TAL1: variants seen among roughly 807,000 people sequenced by gnomAD.
The protein encoded by TAL1 is T-cell acute lymphocytic leukemia protein 1.
Under a neutral mutation model 17.9 loss-of-function variants are expected in TAL1, and 8 were observed. That is an observed-to-expected ratio of 0.45 (90% CI 0.26 to 0.81). The LOEUF (loss-of-function observed/expected upper bound fraction) is 0.81. Among genes scored for constraint, TAL1 ranks in the 30% least tolerant of loss-of-function variants. The pLI is 0.17. For synonymous variants in TAL1, 223 were observed against 218.6 expected (o/e 1.02, Z -0.18); for missense variants, 466 against 486.9 (o/e 0.96, Z 0.40).
intron 2 of TAL1, among the ~76,000 whole-genome samples, chr1:47,224,754 C>T (rs1339519192): frequency 2.6e-5 from 4 of 152,228 alleles, no homozygotes; most frequent in Non-Finnish European, 5.9e-5. Flanking sequence ...ACACTCTATC[C>T]CTGCCCCATC....
At chr1:47,220,971 G>A (rs1346673924) in intron 3 of TAL1, among the ~76,000 whole-genome samples, 1 of 152,228 alleles carries the variant, frequency 6.6e-6, no homozygotes, top group African/African-American at 2.4e-5. Context: ...AAACAGCCAG[G>A]CACAAGAAGG....
intron 3 of TAL1, among the ~76,000 whole-genome samples, chr1:47,221,570 G>A (rs1484874999): frequency 1.3e-5 from 2 of 152,114 alleles, no homozygotes; most frequent in Non-Finnish European, 2.9e-5. Flanking sequence ...CCCTAACATC[G>A]AGGCACAAGC....
upstream of TAL1, chr1:47,231,687 G>A: frequency 8.6e-6 from 2 of 233,754 alleles, no homozygotes; most frequent in Non-Finnish European, 1.7e-5. Context: ...AACACCAACG[G>A]AGCACAATCG....
At chr1:47,220,667 T>C (rs992170470) in intron 3 of TAL1, among the ~76,000 whole-genome samples, 7 of 152,238 alleles carry the variant, frequency 4.6e-5, no homozygotes, top group Non-Finnish European at 1.0e-4. Context: ...CATGAGTTGT[T>C]ACATGGGTCT....
chr1:47,221,969 A>T (rs1643819939), intron 3 of TAL1, among the ~76,000 whole-genome samples: 1 of 152,222 alleles, frequency 6.6e-6, no homozygotes, highest in South Asian at 2.1e-4. Flanking sequence ...AAACCATAGC[A>T]GGCCCTAGCC....
intron 1 of TAL1, 85 bp from the exon 3 acceptor site, chr1:47,225,974 G>C: frequency 7.1e-7 from 1 of 1,401,202 alleles, no homozygotes; most frequent in Non-Finnish European, 9.4e-7. Context: ...AAGGGGAGAA[G>C]GGCAGAGAGA....
exon 4 of TAL1, chr1:47,219,600 G>A (rs1345768359): frequency 1.4e-6 from 2 of 1,470,564 alleles, no homozygotes; most frequent in Admixed American, 1.9e-5. Context: ...AGACATCCAG[G>A]AAAGTTCAAG....
At chr1:47,227,876 T>C (rs1643936058) in intron 1 of TAL1, 1 of 152,124 alleles carries the variant, frequency 6.6e-6, no homozygotes, top group Admixed American at 6.6e-5. Flanking sequence ...CTTCAAGGTA[T>C]TGGTTCCCTA....
chr1:47,222,189 A>AG (rs1223088048), intron 3 of TAL1, among the ~76,000 whole-genome samples: 1 of 152,158 alleles, frequency 6.6e-6, no homozygotes, highest in Non-Finnish European at 1.5e-5. Context: ...CTAGTTGGGG[A>AG]GGGGGTACTT....
chr1:47,231,227 T>A (rs2148598127), upstream of TAL1: 1 of 183,048 alleles, frequency 5.5e-6, no homozygotes, highest in African/African-American at 2.3e-5. Context: ...GACCGGGCGC[T>A]GTCCGCCCAC....
At chr1:47,219,131 C>T in exon 4 of TAL1, 1 of 410,112 alleles carries the variant, frequency 2.4e-6, no homozygotes, top group Middle Eastern at 7.2e-4. Flanking sequence ...CTAGAGCAGA[C>T]TGTCCACTGA....
chr1:47,226,019 C>A, intron 1 of TAL1, 130 bp from the exon 3 acceptor site: 5 of 674,370 alleles, frequency 7.4e-6, no homozygotes, highest in South Asian at 4.7e-5. Flanking sequence ...AAGAGGCAGA[C>A]AAAGTTAGCG....
chr1:47,231,757 C>T (rs1417751078), upstream of TAL1: 1 of 233,668 alleles, frequency 4.3e-6, no homozygotes, highest in Non-Finnish European at 8.5e-6. Context: ...ACCCCAACCG[C>T]GCAGGCACAC....
At chr1:47,217,888 C>T (rs1645530464) in exon 4 of TAL1, 1 of 397,566 alleles carries the variant, frequency 2.5e-6, no homozygotes, top group South Asian at 1.4e-4. Context: ...AGGAACCAAC[C>T]CTAATTTTCA....
Position 47,225,436 on chromosome 1 carries a change from C to T in TAL1, c.446+7G>A. On this transcript the variant is annotated splice_region_variant and intron_variant, in intron 2 of 3. Transcript: ENST00000294339. ...CAGCCCCTGGCCCCTGGCCCCTGGC[C>T]CCTGACCTGCCGAGAGAGGCCAGCG... 1 of 1,231,300 alleles carries T rather than the reference C, an allele frequency of 8.1e-7. No individual in the cohort carries two copies. The highest frequency in any genetic ancestry group is 1.0e-6 in the Non-Finnish European group (1 of 988,070). The allele number at this position is 1,231,300 out of a possible 1,614,324, so 76.3% of individuals were successfully genotyped here.
At chr1:47,225,919 C>T (rs1328386720) in intron 1 of TAL1, 30 bp from the exon 3 acceptor site, 1 of 1,565,996 alleles carries the variant, frequency 6.4e-7, no homozygotes, top group Non-Finnish European at 8.6e-7. Context: ...CAAGCGGATG[C>T]CCGCTCTGAC....
intron 2 of TAL1, among the ~76,000 whole-genome samples, chr1:47,224,378 A>G (rs1290034758): frequency 6.7e-6 from 1 of 149,348 alleles, no homozygotes; most frequent in Non-Finnish European, 1.5e-5. Flanking sequence ...AGAGGTGAAT[A>G]ACACATGGAA....
At chr1:47,226,094 T>G in intron 1 of TAL1, 1 of 509,344 alleles carries the variant, frequency 2.0e-6, no homozygotes, top group Non-Finnish European at 3.4e-6. Flanking sequence ...GTCTCTGGAT[T>G]GGGAGAAGGG....
chr1:47,220,089 C>T (rs756835573), exon 4 of TAL1: 1 of 1,613,324 alleles, frequency 6.2e-7, no homozygotes, highest in South Asian at 1.1e-5. Context: ...GCTTGCGGAG[C>T]TCGGCAAAGG....
Sources: gnomAD v4.1 joint callset for allele counts (sites outside exome capture counted in the v4.1 genomes callset) on GRCh38, gnomAD v4.1.1 for gene constraint, MANE v1.5 for transcripts, NCBI Gene and HGNC (gene_info 2026-07-23, HGNC 2026-07-21) for gene names.